Variants in MAP2K6 observed in about 807,000 individuals in gnomAD.
The protein encoded by MAP2K6 is mitogen-activated protein kinase kinase 6, also known as dual specificity mitogen-activated protein kinase kinase 6.
A neutral mutation model predicts 53.7 loss-of-function variants in MAP2K6; 16 were observed. The observed-to-expected ratio is 0.30, with a 90% CI of 0.20 to 0.45. The LOEUF is 0.45. Among genes scored for constraint, MAP2K6 ranks in the 20% least tolerant of loss-of-function variants. The pLI is 1.00. For missense variants in MAP2K6, 204 were observed against 411.9 expected (o/e 0.50, Z 4.37); for synonymous variants, 132 against 143.1 (o/e 0.92, Z 0.55).
At chr17:69,439,096 T>G (rs941437952) in intron 1 of MAP2K6, among the ~76,000 whole-genome samples, 2 of 152,196 alleles carry the variant, frequency 1.3e-5, no homozygotes, top group African/African-American at 4.8e-5. Context: ...TCTGGCCCTT[T>G]AAAGAACATA....
intron 1 of MAP2K6, among the ~76,000 whole-genome samples, chr17:69,446,097 G>T (rs1164324655): frequency 6.6e-6 from 1 of 152,204 alleles, no homozygotes; most frequent in Non-Finnish European, 1.5e-5. Flanking sequence ...GGTATTTTGG[G>T]TATGCAGCAT....
intron 1 of MAP2K6, among the ~76,000 whole-genome samples, chr17:69,446,727 G>A (rs6501326): frequency 0.54 from 81,938 of 151,828 alleles, 22,482 homozygotes; most frequent in African/African-American, 0.61. Context: ...TGCCTTTTGG[G>A]TATCATTTGA....
At chr17:69,500,954 C>G (rs1041747990) in intron 1 of MAP2K6, among the ~76,000 whole-genome samples, 3 of 152,074 alleles carry the variant, frequency 2.0e-5, no homozygotes, top group African/African-American at 7.2e-5. Flanking sequence ...CATGCCTCTT[C>G]CCCTGCCCTG....
intron 1 of MAP2K6, among the ~76,000 whole-genome samples, chr17:69,472,859 C>A (rs181738014): frequency 6.6e-6 from 1 of 152,050 alleles, no homozygotes; most frequent in Non-Finnish European, 1.5e-5. Flanking sequence ...CCACCATGCC[C>A]GTCTAATTTC....
At chr17:69,484,417 C>G (rs772111098) in intron 1 of MAP2K6, among the ~76,000 whole-genome samples, 22 of 151,872 alleles carry the variant, frequency 1.4e-4, no homozygotes, top group Non-Finnish European at 2.5e-4. Flanking sequence ...GTAACAAAAA[C>G]AGAAAATAAC....
rs540600161 is a variant in MAP2K6 at position 69,456,708 on chromosome 17, C to T, written c.16+41708C>T. On this transcript the variant is annotated intron_variant, in intron 1 of 11. Transcript: ENST00000590474. ...TGTTATTTCTACCCAGAGATGTCTC[C>T]CCACCTAGCCTTCCTCCTTCATCCT... 4.1e-3 allele frequency among the ~76,000 whole-genome samples: 624 copies of T among 152,210 alleles called. 1 individual carries two copies. Among genetic ancestry groups the T allele is most frequent in the Middle Eastern group, 0.024 (7 of 294 alleles).
At position 69,517,625 on chromosome 17, in the gene MAP2K6, A is replaced by G. The variant is rs374132732; in HGVS notation, c.246+12A>G. ...TCATGGCAGTGAAGGTAGAGTTGAC[A>G]TTCTCCCAAATGTTTTATATCTGCT... On this transcript the variant is annotated intron_variant, in intron 4 of 11. Coordinates refer to ENST00000590474, the MANE Select transcript of MAP2K6 (RefSeq NM_002758.4). The G allele has an allele frequency of 6.4e-7, 1 of 1,574,306 alleles. No individual in the cohort carries two copies.
At chr17:69,425,687 T>C (rs1192148534) in intron 1 of MAP2K6, among the ~76,000 whole-genome samples, 1 of 152,232 alleles carries the variant, frequency 6.6e-6, no homozygotes, top group East Asian at 1.9e-4. Context: ...TTGTTTTTCA[T>C]GATCCCATGT....
intron 1 of MAP2K6, among the ~76,000 whole-genome samples, chr17:69,453,989 A>G (rs74962665): frequency 0.023 from 3,520 of 152,372 alleles, 122 homozygotes; most frequent in African/African-American, 0.08. Context: ...GCTGGAATAA[A>G]GAAGGAAATT....
chr17:69,431,670 T>C (rs1459895794), intron 1 of MAP2K6, among the ~76,000 whole-genome samples: 6 of 152,218 alleles, frequency 3.9e-5, no homozygotes, highest in African/African-American at 9.6e-5. Context: ...TCTTTCTTTA[T>C]CTGGTCTATC....
intron 1 of MAP2K6, among the ~76,000 whole-genome samples, chr17:69,487,274 C>A (rs545137125): frequency 2.4e-4 from 37 of 152,288 alleles, no homozygotes; most frequent in African/African-American, 8.4e-4. Flanking sequence ...GGAAAGCCGA[C>A]TGCTTACATC....
At chr17:69,428,390 A>T (rs992532426) in intron 1 of MAP2K6, among the ~76,000 whole-genome samples, 1 of 152,150 alleles carries the variant, frequency 6.6e-6, no homozygotes, top group African/African-American at 2.4e-5. Flanking sequence ...CTTTGCCTTC[A>T]TGTTCACATG....
intron 10 of MAP2K6, 24 bp from the exon 11 acceptor site, chr17:69,536,091 A>G (rs767187560): frequency 6.6e-7 from 1 of 1,515,486 alleles, no homozygotes; most frequent in South Asian, 1.1e-5. Context: ...TCTAGATTTT[A>G]ATGATTATTT....
rs559032438 is a variant in MAP2K6, at chr17:69,502,543, T to C, written c.17-3237T>C. On this transcript the variant is annotated intron_variant, in intron 1 of 11. Coordinates refer to ENST00000590474, the MANE Select transcript of MAP2K6 (RefSeq NM_002758.4). ...GTTTTGTGTCTCCTGGATCTATTTT[T>C]TTTTCTTGTTGTTCTGAGGAGCTGA... 160 of 985,482 alleles carry C rather than the reference T, an allele frequency of 1.6e-4. 1 individual carries two copies. The South Asian group carries it at 6.7e-3, about 41-fold the overall frequency. 61.0% of individuals were successfully genotyped at this position (985,482 alleles called of 1,614,324 possible).
chr17:69,472,795 C>T (rs763173514), intron 1 of MAP2K6, among the ~76,000 whole-genome samples: 46 of 152,242 alleles, frequency 3.0e-4, no homozygotes, highest in Non-Finnish European at 5.6e-4. Context: ...ACTCCCTGGG[C>T]TCAAGCAATC....
At chr17:69,500,045 G>A (rs989952277) in intron 1 of MAP2K6, among the ~76,000 whole-genome samples, 2 of 152,152 alleles carry the variant, frequency 1.3e-5, no homozygotes, top group African/African-American at 2.4e-5. Flanking sequence ...CTGCAAGACA[G>A]CTAGAGCCCT....
chr17:69,521,176 C>A (rs1567852741), intron 7 of MAP2K6, 76 bp downstream of exon 7: 4 of 1,340,146 alleles, frequency 3.0e-6, no homozygotes, highest in Non-Finnish European at 1.1e-6. Flanking sequence ...TCTCTACCCC[C>A]AGTCCCCCAT....
chr17:69,478,923 G>A (rs978410863), intron 1 of MAP2K6, among the ~76,000 whole-genome samples: 4 of 152,162 alleles, frequency 2.6e-5, no homozygotes, highest in African/African-American at 4.8e-5. Context: ...AGAGCCAGCC[G>A]TGAGCTAGCA....
rs187942540 is a variant in MAP2K6 at position 69,541,437 on chromosome 17, A to T, written c.928-239A>T. Among the ~76,000 whole-genome samples the T allele has an allele frequency of 4.6e-3, 694 of 150,922 alleles. 10 individuals are homozygous for T. The highest frequency in any genetic ancestry group is 0.016 in the African/African-American group (632 of 40,336). On this transcript the variant is annotated intron_variant, in intron 11 of 11. Coordinates refer to ENST00000590474, the MANE Select transcript of MAP2K6 (RefSeq NM_002758.4). ...ACGTAGCATAATTACACTTTTTTTT[A>T]AAATTTAATATAGTGGAAACCTAGA...
Sources: gnomAD v4.1 joint callset for allele counts (sites outside exome capture counted in the v4.1 genomes callset) on GRCh38, gnomAD v4.1.1 for gene constraint, MANE v1.5 for transcripts, NCBI Gene and HGNC (gene_info 2026-07-23, HGNC 2026-07-21) for gene names.